The following CELF2 variants were observed in gnomAD, a reference collection of about 807,000 sequenced individuals.
CELF2 encodes the protein CUG triplet repeat RNA-binding protein 2.
A neutral mutation model predicts 62.6 loss-of-function variants in CELF2; 8 were observed. The ratio of observed to expected loss-of-function variants is 0.13; its 90% CI spans 0.07 to 0.23. The LOEUF (loss-of-function observed/expected upper bound fraction) is 0.23. Among genes scored for constraint, CELF2 ranks in the 10% least tolerant of loss-of-function variants. CELF2 has a pLI of 1.00. For missense variants in CELF2, 333 were observed against 671.0 expected (o/e 0.50, Z 5.56); for synonymous variants, 258 against 250.0 (o/e 1.03, Z -0.30).
chr10:10,674,548 A>G, the CELF2 span, among the ~76,000 whole-genome samples: 1 of 152,184 alleles, frequency 6.6e-6, no homozygotes, highest in African/African-American at 2.4e-5. Context: ...ATTGCTGTCT[A>G]CCATATTTGT....
chr10:10,483,999 C>T, the CELF2 span, among the ~76,000 whole-genome samples: 17,537 of 75,572 alleles, frequency 0.23, 3,449 homozygotes, highest in Non-Finnish European at 0.31. Context: ...CTCCCTCCCC[C>T]GCTTTCTCCC....
At chr10:10,849,413 C>CA (rs1317568553) in intron 1 of CELF2, among the ~76,000 whole-genome samples, 4 of 151,780 alleles carry the variant, frequency 2.6e-5, no homozygotes, top group Non-Finnish European at 5.9e-5. Context: ...TCTCCAAAAA[C>CA]AAAAAAGAAA....
chr10:10,529,619 G>T, the CELF2 span, among the ~76,000 whole-genome samples: 2 of 150,280 alleles, frequency 1.3e-5, no homozygotes, highest in East Asian at 3.9e-4. Flanking sequence ...GGAAGGCGGA[G>T]GTTGCAGTGA....
the CELF2 span, among the ~76,000 whole-genome samples, chr10:10,785,799 G>A: frequency 6.6e-6 from 1 of 152,104 alleles, no homozygotes; most frequent in Non-Finnish European, 1.5e-5. Flanking sequence ...AGTTCAAGAG[G>A]TCCATTGCAC....
intron 9 of CELF2, among the ~76,000 whole-genome samples, chr10:11,295,854 G>A (rs1184596767): frequency 6.6e-6 from 1 of 152,130 alleles, no homozygotes; most frequent in African/African-American, 2.4e-5. Flanking sequence ...CCACCCAGAG[G>A]GGTTTTGAGG....
In CELF2 at chr10:11,290,915, T is replaced by A. The variant is rs1453875968; in HGVS notation, c.976+2363T>A. 2.0e-5 allele frequency among the ~76,000 whole-genome samples: 3 copies of A among 152,246 alleles called. No homozygotes were observed. The highest frequency in any genetic ancestry group is 4.4e-5 in the Non-Finnish European group (3 of 68,042). The stretch of plus-strand genomic sequence containing the variant: ...TCTTAAGTGTAACTAAAAAATCTGA[T>A]GTTTAAGTGAAAGTAAATTATTTGT... On this transcript the variant is annotated intron_variant, in intron 9 of 12. Coordinates refer to ENST00000633077, the MANE Select transcript of CELF2 (RefSeq NM_001326342.2). The surrounding 1 kb of genome is among the most constrained non-coding windows in gnomAD (Gnocchi z 4.3).
At chr10:10,490,993 T>C in the CELF2 span, among the ~76,000 whole-genome samples, 3 of 152,178 alleles carry the variant, frequency 2.0e-5, no homozygotes, top group Non-Finnish European at 4.4e-5. Flanking sequence ...ACTTAATTGG[T>C]TATTGTTTCC....
the CELF2 span, among the ~76,000 whole-genome samples, chr10:10,763,334 C>T: frequency 2.6e-5 from 4 of 152,160 alleles, no homozygotes; most frequent in African/African-American, 7.2e-5. Context: ...TATCCCTCGT[C>T]GTGAGCCTTG....
chr10:11,154,959 G>A (rs1208192814), intron 1 of CELF2, among the ~76,000 whole-genome samples: 1 of 152,226 alleles, frequency 6.6e-6, no homozygotes, highest in East Asian at 1.9e-4. Context: ...AGTTTAGGCA[G>A]AGTCAGTTGT....
chr10:11,065,399 G>A (rs2067826804), intron 1 of CELF2, among the ~76,000 whole-genome samples: 1 of 152,092 alleles, frequency 6.6e-6, no homozygotes, highest in South Asian at 2.1e-4. Flanking sequence ...CCTTACTACC[G>A]AAATGAGCTC....
intron 1 of CELF2, among the ~76,000 whole-genome samples, chr10:10,856,696 A>G (rs1214139577): frequency 6.6e-6 from 1 of 152,200 alleles, no homozygotes; most frequent in Non-Finnish European, 1.5e-5. Context: ...ACTCATTTAC[A>G]TCCCTTTTCA....
At chr10:11,230,638 T>G (rs60149122) in intron 3 of CELF2, among the ~76,000 whole-genome samples, 19,688 of 152,148 alleles carry the variant, frequency 0.13, 1,949 homozygotes, top group African/African-American at 0.25. Context: ...GACATGCTGG[T>G]TTTTCCAGCA....
intron 2 of CELF2, among the ~76,000 whole-genome samples, chr10:10,950,985 G>T (rs769921307): frequency 2.4e-4 from 37 of 152,178 alleles, no homozygotes; most frequent in Admixed American, 5.9e-4. Context: ...ATTCTCTCAT[G>T]ATAGGACTGT....
intron 7 of CELF2, among the ~76,000 whole-genome samples, chr10:11,273,180 A>G (rs2084510583): frequency 6.6e-6 from 1 of 151,934 alleles, no homozygotes; most frequent in African/African-American, 2.4e-5. Flanking sequence ...GTCGTACCTG[A>G]GGCTTGGGTT....
chr10:10,779,358 A>T, the CELF2 span, among the ~76,000 whole-genome samples: 1 of 152,344 alleles, frequency 6.6e-6, no homozygotes, highest in African/African-American at 2.4e-5. Flanking sequence ...AGGACCCTGC[A>T]CTTCGCACAT....
chr10:11,121,463 C>A (rs115185019), intron 1 of CELF2, among the ~76,000 whole-genome samples: 8,467 of 152,190 alleles, frequency 0.056, 284 homozygotes, highest in Non-Finnish European at 0.061. Context: ...TCCCTCCCTT[C>A]TTTCTTCTTT....
the CELF2 span, among the ~76,000 whole-genome samples, chr10:10,602,220 G>A: frequency 2.0e-5 from 3 of 151,926 alleles, no homozygotes; most frequent in South Asian, 6.3e-4. Flanking sequence ...TTTTAATAGC[G>A]TTTCAGTTCT....
At chr10:10,594,243 G>A in the CELF2 span, among the ~76,000 whole-genome samples, 35 of 152,210 alleles carry the variant, frequency 2.3e-4, no homozygotes, top group Non-Finnish European at 3.5e-4. Flanking sequence ...TTCTAGCTTA[G>A]GTGACTGGTG....
intron 3 of CELF2, among the ~76,000 whole-genome samples, chr10:11,230,279 C>A (rs1363424285): frequency 6.6e-6 from 1 of 151,902 alleles, no homozygotes; most frequent in East Asian, 1.9e-4. Flanking sequence ...GTCAGAACAT[C>A]ACTCTGAAAA....
Sources: allele counts gnomAD v4.1 joint callset (sites outside exome capture counted in the v4.1 genomes callset), GRCh38; gene constraint gnomAD v4.1.1; non-coding constraint Gnocchi (gnomAD v3.1); transcripts MANE v1.5; gene names NCBI Gene and HGNC (gene_info 2026-07-23, HGNC 2026-07-21).